SYNPO2: variants seen among roughly 807,000 people sequenced by gnomAD.
SYNPO2 encodes the protein synaptopodin 2, also known as synaptopodin-2.
A neutral mutation model predicts 85.0 loss-of-function variants in SYNPO2; 56 were observed. That is an observed-to-expected ratio of 0.66 (90% confidence interval 0.53 to 0.82). The LOEUF is 0.82. SYNPO2 is among the 40% of genes least tolerant of loss of function. The pLI, the probability that SYNPO2 is intolerant of heterozygous loss-of-function variation, is 0.00. For synonymous variants in SYNPO2, 602 were observed against 591.1 expected, an observed-to-expected ratio of 1.02 and a Z score of -0.27; for missense variants, 1,575 against 1,534.2, an observed-to-expected ratio of 1.03 and a Z score of -0.44.
At position 119,061,166 on chromosome 4, in the gene SYNPO2, G is replaced by T. The variant is rs529931854; in HGVS notation, c.*3232G>T. 9 of 152,078 alleles carry T rather than the reference G, an allele frequency of 5.9e-5. No individual in the cohort carries two copies. The highest frequency in any genetic ancestry group is 2.2e-4 in the African/African-American group (9 of 41,510). The allele number at this position is 152,078 out of a possible 1,614,324, so 9.4% of individuals were successfully genotyped here. ...TAAATAGATTAACATTTCCACTTCT[G>T]TTTATCACAAAAGACTGTATTTGAA... On this transcript the variant is annotated 3_prime_UTR_variant, in exon 5 of 5. Coordinates refer to ENST00000307142, the MANE Select transcript of SYNPO2 (RefSeq NM_133477.3).
intron 1 of SYNPO2, among the ~76,000 whole-genome samples, chr4:118,948,922 C>T (rs1261096296): frequency 6.6e-6 from 1 of 152,192 alleles, no homozygotes; most frequent in East Asian, 1.9e-4. Context: ...TAGAGTTGCT[C>T]CTCTGTGCTC....
chr4:118,952,118 A>T (rs956044681), intron 1 of SYNPO2, among the ~76,000 whole-genome samples: 1 of 152,094 alleles, frequency 6.6e-6, no homozygotes, highest in African/African-American at 2.4e-5. Flanking sequence ...TGAGTCCCCA[A>T]CCTCCCAGCT....
chr4:118,871,921 A>G (rs915468980), intron 1 of SYNPO2, among the ~76,000 whole-genome samples: 4 of 152,204 alleles, frequency 2.6e-5, no homozygotes, highest in African/African-American at 7.2e-5. Flanking sequence ...CTGAAGGCAG[A>G]GTAGATAGCA....
chr4:118,876,665 T>C (rs1159853067), intron 1 of SYNPO2, among the ~76,000 whole-genome samples: 8 of 135,376 alleles, frequency 5.9e-5, no homozygotes, highest in Non-Finnish European at 8.3e-5. Flanking sequence ...CTTCCTTCCT[T>C]TCTCTTTCTT....
intron 1 of SYNPO2, among the ~76,000 whole-genome samples, chr4:118,904,899 T>A (rs1732883402): frequency 6.6e-6 from 1 of 152,226 alleles, no homozygotes; most frequent in South Asian, 2.1e-4. Flanking sequence ...TAACTGCTAT[T>A]AGATTGACTT....
chr4:118,888,950 C>A lies in SYNPO2; in HGVS notation c.-87C>A. On this transcript the variant is annotated 5_prime_UTR_variant, in exon 1 of 5. Transcript: ENST00000307142. ...TACCCAGTCTTGCGTCCTCGGCAGG[C>A]GCCCGAAGCTGAGTGCGCATCCTCT... The A allele has an allele frequency of 1.5e-6, 2 of 1,350,264 alleles. No individual in the cohort carries two copies. The highest frequency in any genetic ancestry group is 1.2e-5 in the South Asian group (1 of 84,770). 83.6% of individuals were successfully genotyped at this position (1,350,264 alleles called of 1,614,324 possible).
At chr4:118,879,263 A>T (rs1006683724) in intron 1 of SYNPO2, among the ~76,000 whole-genome samples, 4 of 152,222 alleles carry the variant, frequency 2.6e-5, no homozygotes, top group Admixed American at 6.5e-5. Context: ...ACCCACTGGA[A>T]TGAACCAATT....
At chr4:119,007,738 A>G (rs1324888799) in intron 1 of SYNPO2, among the ~76,000 whole-genome samples, 1 of 151,988 alleles carries the variant, frequency 6.6e-6, no homozygotes, top group African/African-American at 2.4e-5. Flanking sequence ...ATCCTTTCCT[A>G]TTTTAATATG....
intron 1 of SYNPO2, among the ~76,000 whole-genome samples, chr4:118,950,583 T>C (rs896042725): frequency 6.6e-6 from 1 of 152,096 alleles, no homozygotes; most frequent in Non-Finnish European, 1.5e-5. Flanking sequence ...GGTGCTAGGG[T>C]GACTAGGACA....
intron 1 of SYNPO2, among the ~76,000 whole-genome samples, chr4:119,012,604 T>C (rs971949836): frequency 1.1e-4 from 17 of 152,232 alleles, no homozygotes; most frequent in African/African-American, 3.4e-4. Flanking sequence ...TGTGTCCATG[T>C]GTTCTCATTG....
At chr4:118,872,248 A>G (rs1399416352) in intron 1 of SYNPO2, among the ~76,000 whole-genome samples, 3 of 152,166 alleles carry the variant, frequency 2.0e-5, no homozygotes, top group Admixed American at 1.3e-4. Flanking sequence ...CTGTTATAGA[A>G]ACGGGAGCAT....
At position 119,031,946 on chromosome 4, in the gene SYNPO2, A is replaced by T. The variant is rs61733552; in HGVS notation, c.3171A>T (p.Pro1057=). The part of the protein sequence containing the change: ...SPVPVGIPTS[P]KQESASSSYF... Reference sequence around the variant, plus strand: ...TGCCTGTGGGCATTCCCACCTCGCCAAAGCAAGAATCAGCCTCATCATCTT... The same window carrying T: ...TGCCTGTGGGCATTCCCACCTCGCCTAAGCAAGAATCAGCCTCATCATCTT... The change falls in exon 4 of 5, where the codon CCA becomes CCT. Residue 1057 remains proline, a synonymous_variant. Coordinates refer to ENST00000307142, the MANE Select transcript of SYNPO2 (RefSeq NM_133477.3). 1 of 1,614,216 alleles carries T rather than the reference A, an allele frequency of 6.2e-7. No homozygotes were observed. Among genetic ancestry groups the T allele is most frequent in the South Asian group, 1.1e-5 (1 of 91,082 alleles).
At chr4:118,995,637 T>C (rs1423701321) in intron 1 of SYNPO2, among the ~76,000 whole-genome samples, 1 of 152,184 alleles carries the variant, frequency 6.6e-6, no homozygotes, top group Non-Finnish European at 1.5e-5. Context: ...CAGAGTCAAA[T>C]TATAAGCTTT....
chr4:118,890,733 C>CTCTCTCTCTCTCTCTCTCTGTGTG (rs749295331), intron 1 of SYNPO2, among the ~76,000 whole-genome samples: 11 of 126,226 alleles, frequency 8.7e-5, no homozygotes, highest in African/African-American at 3.3e-4. Flanking sequence ...CTCTCTCTCT[C>CTCTCTCTCTCTCTCTCTCTGTGTG]TGTGTGTGTG....
chr4:118,864,184 A>C (rs1731664758), intron 1 of SYNPO2, among the ~76,000 whole-genome samples: 1 of 152,096 alleles, frequency 6.6e-6, no homozygotes, highest in Admixed American at 6.5e-5. Flanking sequence ...GAAATGTTTA[A>C]ATTTCTTTCT....
chr4:118,906,255 G>A (rs756974111), intron 1 of SYNPO2, among the ~76,000 whole-genome samples: 20 of 152,052 alleles, frequency 1.3e-4, no homozygotes, highest in Non-Finnish European at 2.6e-4. Flanking sequence ...GTAATTAGAA[G>A]AGTGATATAT....
At chr4:119,050,852 A>G (rs1739016447) in intron 4 of SYNPO2, among the ~76,000 whole-genome samples, 2 of 152,352 alleles carry the variant, frequency 1.3e-5, no homozygotes, top group East Asian at 3.9e-4. Flanking sequence ...ACCATCTGCC[A>G]GATGACATGG....
chr4:118,966,352 C>A (rs1227088681), intron 1 of SYNPO2, among the ~76,000 whole-genome samples: 1 of 152,184 alleles, frequency 6.6e-6, no homozygotes, highest in East Asian at 1.9e-4. Context: ...AAAGAAAAGG[C>A]AGTCTGCCTC....
intron 1 of SYNPO2, among the ~76,000 whole-genome samples, chr4:118,880,502 C>T (rs973571782): frequency 6.6e-6 from 1 of 152,176 alleles, no homozygotes; most frequent in Non-Finnish European, 1.5e-5. Flanking sequence ...GTAATCCCAG[C>T]ACTTTGGGAG....
Sources: allele counts gnomAD v4.1 joint callset (sites outside exome capture counted in the v4.1 genomes callset), GRCh38; gene constraint gnomAD v4.1.1; transcripts MANE v1.5; gene names NCBI Gene and HGNC (gene_info 2026-07-23, HGNC 2026-07-21).